SLC13A1: variants seen among roughly 807,000 people sequenced by gnomAD.
SLC13A1 encodes the protein Na(+)/sulfate cotransporter.
A neutral mutation model predicts 70.0 loss-of-function variants in SLC13A1; 65 were observed. The ratio of observed to expected loss-of-function variants is 0.93; its 90% confidence interval spans 0.76 to 1.14. The LOEUF (loss-of-function observed/expected upper bound fraction) is 1.14, where lower values mean the gene tolerates loss of function less well. SLC13A1 is among the 50% of genes most tolerant of loss of function. The pLI is 0.00. For missense variants in SLC13A1, 726 were observed against 717.8 expected (o/e 1.01, Z -0.13); for synonymous variants, 275 against 250.5 (o/e 1.10, Z -0.92).
chr7:123,129,317 C>G, intron 9 of SLC13A1, 66 bp downstream of exon 9: 3 of 1,201,102 alleles, frequency 2.5e-6, no homozygotes, highest in South Asian at 1.5e-5. Context: ...CAGCATTTCT[C>G]TCTTCTCTGT....
chr7:123,189,002 C>T (rs913359691), intron 1 of SLC13A1, among the ~76,000 whole-genome samples: 6 of 147,510 alleles, frequency 4.1e-5, no homozygotes, highest in Non-Finnish European at 7.5e-5. Flanking sequence ...GTAGTCCCAG[C>T]TACTTGGGAG....
chr7:123,186,910 C>A (rs1210068213), intron 1 of SLC13A1, among the ~76,000 whole-genome samples: 1 of 150,652 alleles, frequency 6.6e-6, no homozygotes, highest in Non-Finnish European at 1.5e-5. Flanking sequence ...TTATGACTAC[C>A]ACTGACCTTA....
intron 6 of SLC13A1, among the ~76,000 whole-genome samples, chr7:123,155,805 C>T (rs543942736): frequency 1.3e-5 from 2 of 152,144 alleles, no homozygotes; most frequent in South Asian, 2.1e-4. Flanking sequence ...TGCTGACACC[C>T]GAAAGGCATA....
chr7:123,193,459 A>G (rs1796066029), intron 1 of SLC13A1, among the ~76,000 whole-genome samples: 1 of 152,132 alleles, frequency 6.6e-6, no homozygotes, highest in South Asian at 2.1e-4. Context: ...TTTCTTACTT[A>G]TACTATTTGT....
chr7:123,198,082 G>T (rs1347041769), intron 1 of SLC13A1, among the ~76,000 whole-genome samples: 1 of 152,036 alleles, frequency 6.6e-6, no homozygotes, highest in African/African-American at 2.4e-5. Context: ...CAGGGCTCCA[G>T]GTATGAAGCA....
At chr7:123,178,743 C>T (rs1190091425) in intron 2 of SLC13A1, among the ~76,000 whole-genome samples, 1 of 152,084 alleles carries the variant, frequency 6.6e-6, no homozygotes, top group Non-Finnish European at 1.5e-5. Flanking sequence ...CAGTTTTCTC[C>T]ACTAAAAGTT....
intron 6 of SLC13A1, among the ~76,000 whole-genome samples, chr7:123,157,405 A>T (rs1437607477): frequency 1.3e-5 from 2 of 152,138 alleles, no homozygotes; most frequent in African/African-American, 4.8e-5. Context: ...ATGAATAAAG[A>T]GATGTTTAAA....
chr7:123,178,659 T>A (rs1222564408), intron 2 of SLC13A1, among the ~76,000 whole-genome samples: 2 of 152,146 alleles, frequency 1.3e-5, no homozygotes, highest in African/African-American at 4.8e-5. Context: ...CATAATAGAT[T>A]GTAGCTTTGG....
intron 6 of SLC13A1, among the ~76,000 whole-genome samples, chr7:123,156,524 G>C (rs1794722401): frequency 6.6e-6 from 1 of 152,116 alleles, no homozygotes. Context: ...GAGGAATTGA[G>C]ACAGTGGGAA....
chr7:123,145,124 G>C (rs1173110007), intron 7 of SLC13A1, among the ~76,000 whole-genome samples: 1 of 152,172 alleles, frequency 6.6e-6, no homozygotes, highest in African/African-American at 2.4e-5. Context: ...AAGTAGAGCA[G>C]TGGCAATAAC....
chr7:123,117,210 T>G (rs772502102), intron 14 of SLC13A1, among the ~76,000 whole-genome samples: 2 of 152,292 alleles, frequency 1.3e-5, no homozygotes, highest in South Asian at 2.1e-4. Context: ...GCATGTTCAG[T>G]GCTCTTTTCC....
chr7:123,115,913 C>G (rs1203645935), intron 14 of SLC13A1, among the ~76,000 whole-genome samples: 2 of 152,086 alleles, frequency 1.3e-5, no homozygotes, highest in Non-Finnish European at 2.9e-5. Context: ...CTTCTCCATT[C>G]GTAGCAAGAG....
chr7:123,190,397 A>T (rs189664158), intron 1 of SLC13A1: 1 of 334,232 alleles, frequency 3.0e-6, no homozygotes, highest in African/African-American at 2.2e-5. Context: ...TAAACAAAAA[A>T]GGCTTACTCT....
intron 11 of SLC13A1, among the ~76,000 whole-genome samples, chr7:123,124,517 C>T (rs1793495307): frequency 6.6e-6 from 1 of 152,168 alleles, no homozygotes; most frequent in African/African-American, 2.4e-5. Context: ...ACATAAATCC[C>T]AGTTCCATCC....
chr7:123,193,442 C>T (rs1796065583), intron 1 of SLC13A1, among the ~76,000 whole-genome samples: 1 of 152,144 alleles, frequency 6.6e-6, no homozygotes, highest in African/African-American at 2.4e-5. Flanking sequence ...TCTAAAACAG[C>T]CAATTATTTC....
intron 14 of SLC13A1, among the ~76,000 whole-genome samples, chr7:123,115,949 G>A (rs997199889): frequency 1.2e-4 from 18 of 152,066 alleles, no homozygotes; most frequent in African/African-American, 3.6e-4. Flanking sequence ...ACTAAACATC[G>A]TTGAGTTGGA....
chr7:123,157,530 A>G (rs567756753), intron 6 of SLC13A1, among the ~76,000 whole-genome samples: 1 of 152,172 alleles, frequency 6.6e-6, no homozygotes, highest in South Asian at 2.1e-4. Context: ...CTAAATGTTA[A>G]CTATTTAGAA....
intron 6 of SLC13A1, among the ~76,000 whole-genome samples, chr7:123,165,784 C>A (rs907136172): frequency 1.6e-4 from 25 of 152,134 alleles, no homozygotes; most frequent in African/African-American, 5.8e-4. Flanking sequence ...AAAAAACATT[C>A]TTTACTTAGC....
intron 6 of SLC13A1, among the ~76,000 whole-genome samples, chr7:123,152,674 C>T (rs1165383389): frequency 6.6e-6 from 1 of 152,002 alleles, no homozygotes; most frequent in Non-Finnish European, 1.5e-5. Flanking sequence ...TGTAATTTAC[C>T]TTTTACTTTC....
Sources: gnomAD v4.1 joint callset for allele counts (sites outside exome capture counted in the v4.1 genomes callset) on GRCh38, gnomAD v4.1.1 for gene constraint, MANE v1.5 for transcripts, NCBI Gene and HGNC (gene_info 2026-07-23, HGNC 2026-07-21) for gene names.